The following CFDP1 variants were observed in gnomAD, a reference collection of about 807,000 sequenced individuals.
CFDP1 encodes the protein chromatin remodeling protein CFDP1, also known as heterochromatin-stabilizing protein CFDP1.
CFDP1 carries 31 observed loss-of-function variants against 40.1 expected under a neutral mutation model. That is an observed-to-expected ratio of 0.77 (90% CI 0.58 to 1.04). The LOEUF is 1.04. Ranked by LOEUF, CFDP1 falls within the 50% of genes least tolerant of loss-of-function variation. The pLI is 0.00. For missense variants in CFDP1, 423 were observed against 343.4 expected, an observed-to-expected ratio of 1.23 and a Z score of -1.83; for synonymous variants, 167 against 120.0, an observed-to-expected ratio of 1.39 and a Z score of -2.56.
chr16:75,387,472 A>T (rs753319631), intron 5 of CFDP1, among the ~76,000 whole-genome samples: 10 of 152,182 alleles, frequency 6.6e-5, no homozygotes, highest in Non-Finnish European at 1.2e-4. Context: ...AAACCATGTC[A>T]TTCTGGAGCT....
chr16:75,360,501 A>G (rs7185640), intron 5 of CFDP1, among the ~76,000 whole-genome samples: 79,361 of 152,038 alleles, frequency 0.52, 21,707 homozygotes, highest in Admixed American at 0.64. Context: ...GGTCCAAAAC[A>G]GGTTTTTGTA....
intron 5 of CFDP1, among the ~76,000 whole-genome samples, chr16:75,311,669 T>C (rs1406946347): frequency 6.6e-6 from 1 of 152,130 alleles, no homozygotes; most frequent in East Asian, 1.9e-4. Context: ...GCCTGCATAA[T>C]CACTAAAATG....
chr16:75,359,645 T>C (rs1300336104), intron 5 of CFDP1, among the ~76,000 whole-genome samples: 1 of 152,156 alleles, frequency 6.6e-6, no homozygotes, highest in Non-Finnish European at 1.5e-5. Flanking sequence ...CTAACCATGA[T>C]CACCTCCACC....
At chr16:75,333,060 G>A (rs138342218) in intron 5 of CFDP1, among the ~76,000 whole-genome samples, 2,206 of 150,828 alleles carry the variant, frequency 0.015, 20 homozygotes, top group Non-Finnish European at 0.024. Flanking sequence ...TGCCTGCTTC[G>A]GCCTCCCAAA....
At chr16:75,358,667 T>C (rs1373427090) in intron 5 of CFDP1, among the ~76,000 whole-genome samples, 3 of 152,184 alleles carry the variant, frequency 2.0e-5, no homozygotes, top group Non-Finnish European at 2.9e-5. Context: ...GACTGGCAGA[T>C]AGACTATGGT....
intron 2 of CFDP1, among the ~76,000 whole-genome samples, chr16:75,413,406 G>GA (rs1374118196): frequency 1.3e-5 from 2 of 151,906 alleles, no homozygotes; most frequent in Non-Finnish European, 2.9e-5. Flanking sequence ...AACAAGATGA[G>GA]AAAATTAGCC....
chr16:75,326,380 C>G (rs1021111606), intron 5 of CFDP1, among the ~76,000 whole-genome samples: 3 of 152,304 alleles, frequency 2.0e-5, no homozygotes, highest in East Asian at 3.9e-4. Flanking sequence ...TTATCTCACT[C>G]AATACTCAGT....
At chr16:75,359,052 A>G (rs371875835) in intron 5 of CFDP1, among the ~76,000 whole-genome samples, 37 of 152,336 alleles carry the variant, frequency 2.4e-4, no homozygotes, top group South Asian at 1.0e-3. Flanking sequence ...TCCTTTTCCA[A>G]CTACATATTT....
chr16:75,410,055 CAAAAAAAAAAAAAAAAA>C (rs150987819), intron 4 of CFDP1, among the ~76,000 whole-genome samples: 4 of 52,534 alleles, frequency 7.6e-5, no homozygotes, highest in Admixed American at 3.8e-4. Context: ...GACCCTTTCT[CAAAAAAAAAAAAAAAAA>C]AAAAAAAAAA....
chr16:75,337,164 T>C (rs2078495005), intron 5 of CFDP1, among the ~76,000 whole-genome samples: 1 of 152,248 alleles, frequency 6.6e-6, no homozygotes, highest in African/African-American at 2.4e-5. Context: ...GGTACTACTC[T>C]GCTCGCTGAT....
chr16:75,401,710 G>C (rs1045660062), intron 4 of CFDP1, among the ~76,000 whole-genome samples: 1 of 152,140 alleles, frequency 6.6e-6, no homozygotes, highest in East Asian at 1.9e-4. Context: ...AGGAAAAGTA[G>C]CCTCTAGGTA....
At chr16:75,419,005 T>C in intron 1 of CFDP1, 1 of 332,232 alleles carries the variant, frequency 3.0e-6, no homozygotes, top group Non-Finnish European at 6.2e-6. Flanking sequence ...TAGTCAGGCA[T>C]GGTGGCACGC....
At chr16:75,426,125 C>T (rs1390848405) in intron 1 of CFDP1, among the ~76,000 whole-genome samples, 4 of 142,820 alleles carry the variant, frequency 2.8e-5, no homozygotes, top group Admixed American at 7.3e-5. Flanking sequence ...CCGAGGTGGG[C>T]GGATCACCTG....
intron 1 of CFDP1, among the ~76,000 whole-genome samples, chr16:75,423,964 T>C (rs1217284574): frequency 6.6e-6 from 1 of 152,182 alleles, no homozygotes; most frequent in Non-Finnish European, 1.5e-5. Flanking sequence ...TTCAGCAATG[T>C]ATAAATATAT....
chr16:75,399,435 G>A (rs2079029048), intron 4 of CFDP1, among the ~76,000 whole-genome samples: 1 of 152,188 alleles, frequency 6.6e-6, no homozygotes, highest in South Asian at 2.1e-4. Flanking sequence ...CTTTATTCCA[G>A]TCCTGCCAAA....
chr16:75,410,804 G>A (rs1597393551), intron 4 of CFDP1, among the ~76,000 whole-genome samples: 1 of 151,506 alleles, frequency 6.6e-6, no homozygotes, highest in African/African-American at 2.4e-5. Flanking sequence ...AGCTACTCGG[G>A]AGGCTGAGAC....
intron 5 of CFDP1, among the ~76,000 whole-genome samples, chr16:75,350,981 T>TA (rs1248367085): frequency 4.6e-5 from 7 of 151,594 alleles, no homozygotes; most frequent in African/African-American, 1.7e-4. Flanking sequence ...TCTAGTGAGA[T>TA]AAAATCTAAT....
chr16:75,319,311 G>T (rs1051510344), intron 5 of CFDP1, among the ~76,000 whole-genome samples: 1 of 152,084 alleles, frequency 6.6e-6, no homozygotes, highest in African/African-American at 2.4e-5. Flanking sequence ...CAAAGTGCTG[G>T]GATTACAGGT....
At chr16:75,385,876 A>G (rs1419007301) in intron 5 of CFDP1, among the ~76,000 whole-genome samples, 3 of 152,212 alleles carry the variant, frequency 2.0e-5, no homozygotes, top group African/African-American at 7.2e-5. Context: ...AAATCAATTT[A>G]TATTATCATA....
Sources: allele counts gnomAD v4.1 joint callset (sites outside exome capture counted in the v4.1 genomes callset), GRCh38; gene constraint gnomAD v4.1.1; transcripts MANE v1.5; gene names NCBI Gene and HGNC (gene_info 2026-07-23, HGNC 2026-07-21).